The following ERBB4 variants were observed in gnomAD, a reference collection of about 807,000 sequenced individuals.
The protein encoded by ERBB4 is erb-b2 receptor tyrosine kinase 4.
A neutral mutation model predicts 158.0 loss-of-function variants in ERBB4; 42 were observed. That is an observed-to-expected ratio of 0.27 (90% confidence interval 0.21 to 0.34). ERBB4 has a LOEUF of 0.34. Ranked by LOEUF, ERBB4 falls within the 10% of genes least tolerant of loss-of-function variation. The probability of loss-of-function intolerance (pLI) is 1.00; values close to 1 mark genes in which losing one functional copy is unlikely to be tolerated. For synonymous variants in ERBB4, 583 were observed against 558.7 expected (o/e 1.04, Z -0.61); for missense variants, 1,333 against 1,624.1 (o/e 0.82, Z 3.08).
intron 1 of ERBB4, among the ~76,000 whole-genome samples, chr2:212,365,892 G>A (rs191269332): frequency 2.3e-4 from 35 of 151,956 alleles, no homozygotes; most frequent in Non-Finnish European, 4.4e-5. Flanking sequence ...TTCAGAAAGT[G>A]TACCTTGAAG....
chr2:211,880,953 A>G (rs2078644976), intron 3 of ERBB4, among the ~76,000 whole-genome samples: 1 of 152,164 alleles, frequency 6.6e-6, no homozygotes, highest in Admixed American at 6.5e-5. Context: ...CAGACATCTC[A>G]ATTAGTGGAG....
At chr2:211,760,276 G>A (rs1388756652) in intron 4 of ERBB4, among the ~76,000 whole-genome samples, 1 of 152,142 alleles carries the variant, frequency 6.6e-6, no homozygotes, top group Admixed American at 6.5e-5. Flanking sequence ...TGTGCTAATT[G>A]GCCTGGATTG....
chr2:211,752,187 C>A (rs1360194961), intron 4 of ERBB4, among the ~76,000 whole-genome samples: 1 of 151,898 alleles, frequency 6.6e-6, no homozygotes, highest in Non-Finnish European at 1.5e-5. Context: ...TACAGGAGTT[C>A]TTTTGTACAA....
At chr2:212,119,671 C>T (rs1355267537) in intron 2 of ERBB4, among the ~76,000 whole-genome samples, 1 of 152,016 alleles carries the variant, frequency 6.6e-6, no homozygotes, top group Non-Finnish European at 1.5e-5. Flanking sequence ...AATGTGGTTC[C>T]TTGGTAGTTG....
intron 2 of ERBB4, among the ~76,000 whole-genome samples, chr2:212,019,921 T>C (rs1466433558): frequency 1.3e-5 from 2 of 152,076 alleles, no homozygotes; most frequent in Non-Finnish European, 2.9e-5. Flanking sequence ...TTAAGTATAC[T>C]TGCAGTCAAT....
chr2:212,490,975 G>A (rs1458857804), intron 1 of ERBB4, among the ~76,000 whole-genome samples: 1 of 151,664 alleles, frequency 6.6e-6, no homozygotes, highest in African/African-American at 2.4e-5. Context: ...TTTTGAGTCA[G>A]TCTAAACTGA....
At chr2:211,896,670 T>G (rs961436025) in intron 3 of ERBB4, among the ~76,000 whole-genome samples, 1 of 152,162 alleles carries the variant, frequency 6.6e-6, no homozygotes, top group Non-Finnish European at 1.5e-5. Context: ...AAAATTTGAT[T>G]GTCATTTTTA....
chr2:211,825,418 C>T (rs2077080580), intron 3 of ERBB4, among the ~76,000 whole-genome samples: 1 of 151,666 alleles, frequency 6.6e-6, no homozygotes, highest in African/African-American at 2.4e-5. Context: ...AAAATGAATT[C>T]AAGCTTTTAT....
intron 1 of ERBB4, among the ~76,000 whole-genome samples, chr2:212,504,322 G>A (rs879811549): frequency 8.6e-5 from 13 of 151,874 alleles, no homozygotes; most frequent in Admixed American, 7.9e-4. Flanking sequence ...TCTACATTAA[G>A]TCCTTAACTC....
At chr2:212,294,338 C>T (rs1359687599) in intron 1 of ERBB4, among the ~76,000 whole-genome samples, 5 of 151,838 alleles carry the variant, frequency 3.3e-5, no homozygotes, top group South Asian at 4.1e-4. Flanking sequence ...CTGAGAAATT[C>T]GTGTCTCTAT....
Position 211,674,896 on chromosome 2 carries a change from T to G in ERBB4, c.1623-1639A>C, listed in dbSNP as rs75409707. ...TAGAACAAAGGTCACGTTTTTCTTA[T>G]TCTTCTTCTCCAAAACCCACTTCCC... is the stretch of plus-strand genomic sequence containing the variant. On this transcript the variant is annotated intron_variant, in intron 13 of 27. Coordinates refer to ENST00000342788, the MANE Select transcript of ERBB4 (RefSeq NM_005235.3). Among the ~76,000 whole-genome samples, 643 of 150,306 alleles carry G rather than the reference T, an allele frequency of 4.3e-3. 5 individuals are homozygous for G. Among genetic ancestry groups the G allele is most frequent in the African/African-American group, 0.015 (608 of 39,754 alleles).
At chr2:211,586,148 A>C (rs1050897018) in intron 19 of ERBB4, among the ~76,000 whole-genome samples, 13 of 152,294 alleles carry the variant, frequency 8.5e-5, no homozygotes, top group Non-Finnish European at 1.6e-4. Context: ...TTTCCACCCA[A>C]TTAAGAAAAA....
intron 1 of ERBB4, among the ~76,000 whole-genome samples, chr2:212,459,736 A>T (rs575606382): frequency 6.6e-6 from 1 of 152,308 alleles, no homozygotes; most frequent in Non-Finnish European, 1.5e-5. Context: ...ATGGCATAAA[A>T]ACAGACACGT....
At chr2:212,205,420 A>G (rs922608275) in intron 1 of ERBB4, among the ~76,000 whole-genome samples, 1 of 152,234 alleles carries the variant, frequency 6.6e-6, no homozygotes, top group Non-Finnish European at 1.5e-5. Flanking sequence ...ACAAAGCAGA[A>G]AAAAGTAAAA....
rs1005315649 is a variant in ERBB4, at chr2:211,571,036, T to G, written c.2302-8948A>C. On this transcript the variant is annotated intron_variant, in intron 19 of 27. Transcript: ENST00000342788. ...CTGATTTTTCACTCTCTGAGTACTC[T>G]TCTTCTTTTTTTTTTTTTTTTTTTT... Among the ~76,000 whole-genome samples the G allele has an allele frequency of 3.2e-3, 203 of 63,376 alleles. 2 individuals carry two copies. The highest frequency in any genetic ancestry group is 0.013 in the African/African-American group (186 of 14,528). 41.6% of individuals were successfully genotyped at this position (63,376 alleles called of 152,430 possible).
chr2:212,357,085 C>T (rs1186828049), intron 1 of ERBB4, among the ~76,000 whole-genome samples: 1 of 151,626 alleles, frequency 6.6e-6, no homozygotes, highest in East Asian at 1.9e-4. Flanking sequence ...GTGTCTTATC[C>T]TTCAAAAATT....
Position 211,412,962 on chromosome 2 carries a change from A to AG in ERBB4, c.3135+7478_3135+7479insC, listed in dbSNP as rs1553523806. Among the ~76,000 whole-genome samples, 49 of 150,962 alleles carry AG rather than the reference A, an allele frequency of 3.2e-4. No individual in the cohort carries two copies. The South Asian group carries it at 5.7e-3, about 17-fold the overall frequency. On this transcript the variant is annotated intron_variant, in intron 25 of 27. Transcript: ENST00000342788. ...AGTGGGACTGTCTCAAAAAAAAAAAAAAAGAAAGAAAGAAAGAAAAGAAAT... is the reference window on the plus strand; with the variant it reads ...AGTGGGACTGTCTCAAAAAAAAAAAAGAAAGAAAGAAAGAAAGAAAAGAAAT...
intron 2 of ERBB4, among the ~76,000 whole-genome samples, chr2:212,096,772 T>C (rs2078944911): frequency 6.6e-6 from 1 of 152,156 alleles, no homozygotes; most frequent in Non-Finnish European, 1.5e-5. Flanking sequence ...TAAGAAAATG[T>C]GGGATGAAGA....
chr2:212,450,602 A>C (rs1392644931), intron 1 of ERBB4, among the ~76,000 whole-genome samples: 1 of 152,086 alleles, frequency 6.6e-6, no homozygotes, highest in African/African-American at 2.4e-5. Context: ...AATGAAACCC[A>C]TTTTGGACTT....
Sources: allele counts gnomAD v4.1 joint callset (sites outside exome capture counted in the v4.1 genomes callset), GRCh38; gene constraint gnomAD v4.1.1; transcripts MANE v1.5; gene names NCBI Gene and HGNC (gene_info 2026-07-23, HGNC 2026-07-21).